Variants in CTNNA3 observed in about 807,000 individuals in gnomAD.
CTNNA3 encodes catenin alpha 3, also known as catenin alpha-3.
Under a neutral mutation model 95.7 loss-of-function variants are expected in CTNNA3, and 76 were observed. The observed-to-expected ratio is 0.79, with a 90% CI of 0.66 to 0.96. CTNNA3 has a LOEUF of 0.96. Ranked by LOEUF, CTNNA3 falls within the 40% of genes least tolerant of loss-of-function variation. The probability of loss-of-function intolerance (pLI) is 0.00; values close to 1 mark genes in which losing one functional copy is unlikely to be tolerated. For missense variants in CTNNA3, 1,191 were observed against 1,089.8 expected (o/e 1.09, Z -1.31); for synonymous variants, 431 against 374.4 (o/e 1.15, Z -1.74).
intron 11 of CTNNA3, among the ~76,000 whole-genome samples, chr10:66,507,956 A>G (rs914939731): frequency 1.1e-4 from 16 of 152,088 alleles, no homozygotes; most frequent in African/African-American, 3.9e-4. Flanking sequence ...AGCTGTACTA[A>G]TTAACATTCC....
chr10:66,911,304 C>G (rs989077139), intron 7 of CTNNA3, among the ~76,000 whole-genome samples: 6 of 152,054 alleles, frequency 3.9e-5, no homozygotes, highest in Non-Finnish European at 7.4e-5. Context: ...TTGTATAGTT[C>G]CCAATATTAG....
intron 7 of CTNNA3, among the ~76,000 whole-genome samples, chr10:67,016,982 T>C (rs897176198): frequency 6.6e-6 from 1 of 152,172 alleles, no homozygotes; most frequent in Non-Finnish European, 1.5e-5. Context: ...TTGTATCTAC[T>C]GAATACCTTC....
At chr10:66,199,729 T>C (rs1190533576) in intron 13 of CTNNA3, among the ~76,000 whole-genome samples, 1 of 132,474 alleles carries the variant, frequency 7.5e-6, no homozygotes, top group African/African-American at 2.9e-5. Flanking sequence ...AGCCTCCTGA[T>C]TAGCTGGGAT....
chr10:65,953,101 A>G lies in CTNNA3; in HGVS notation c.2400+13511T>C, dbSNP rs115201655. 4.0e-3 allele frequency among the ~76,000 whole-genome samples: 609 copies of G among 152,316 alleles called. 9 individuals carry two copies. The highest frequency in any genetic ancestry group is 0.014 in the African/African-American group (591 of 41,580). ...TCCTTTTTCATATATACAGGCTAGA[A>G]TATAACAATAGTTATTTCTTTATAG... On this transcript the variant is annotated intron_variant, in intron 17 of 17. Transcript: ENST00000433211.
At chr10:66,000,045 C>A (rs1366413801) in intron 15 of CTNNA3, among the ~76,000 whole-genome samples, 1 of 151,528 alleles carries the variant, frequency 6.6e-6, no homozygotes, top group Non-Finnish European at 1.5e-5. Context: ...ATCTCGTACA[C>A]AATAAATATA....
At chr10:67,344,520 T>C (rs1842340338) in intron 5 of CTNNA3, among the ~76,000 whole-genome samples, 1 of 152,098 alleles carries the variant, frequency 6.6e-6, no homozygotes, top group Non-Finnish European at 1.5e-5. Flanking sequence ...GCTTCAATCT[T>C]GTCACTTGGT....
rs369311931 is a variant in CTNNA3, at chr10:67,348,673, C to T, written c.580-128803G>A. Among the ~76,000 whole-genome samples, 7 of 152,184 alleles carry T rather than the reference C, an allele frequency of 4.6e-5. No homozygotes were observed. The East Asian group carries it at 1.2e-3, about 25-fold the overall frequency. On this transcript the variant is annotated intron_variant, in intron 5 of 17. Coordinates refer to ENST00000433211, the MANE Select transcript of CTNNA3 (RefSeq NM_013266.4). The stretch of plus-strand genomic sequence containing the variant: ...CACATGAATTCACAGAATGAGAACC[C>T]ACTTGTTACTGCAAGGACAGCACCA...
At chr10:66,796,396 T>TA (rs1269323623) in intron 7 of CTNNA3, among the ~76,000 whole-genome samples, 1 of 152,028 alleles carries the variant, frequency 6.6e-6, no homozygotes, top group Non-Finnish European at 1.5e-5. Context: ...TACACACCCT[T>TA]ATCAATTAAT....
rs557664906 is a variant in CTNNA3, at chr10:66,176,816, T to C, written c.1885-73567A>G. 1.2e-3 allele frequency among the ~76,000 whole-genome samples: 175 copies of C among 152,160 alleles called. 1 individual carries two copies. Among genetic ancestry groups the C allele is most frequent in the Non-Finnish European group, 1.7e-3 (118 of 67,998 alleles). ...GTGAGAAATAAATTTCTGTTGTTTA[T>C]AAGCTACACGGTTTATGGCATTTTG... On this transcript the variant is annotated intron_variant, in intron 13 of 17. Transcript: ENST00000433211.
intron 2 of CTNNA3, among the ~76,000 whole-genome samples, chr10:67,607,353 T>C (rs1272176731): frequency 6.7e-6 from 1 of 148,540 alleles, no homozygotes; most frequent in Non-Finnish European, 1.5e-5. Context: ...GAGACGATAG[T>C]GTTATTTGTT....
At chr10:66,937,597 A>G (rs1211057762) in intron 7 of CTNNA3, among the ~76,000 whole-genome samples, 2 of 152,134 alleles carry the variant, frequency 1.3e-5, no homozygotes, top group South Asian at 2.1e-4. Flanking sequence ...GCATCTGGGC[A>G]CGTAGTTAAT....
chr10:66,898,099 G>A (rs1263219484), intron 7 of CTNNA3, among the ~76,000 whole-genome samples: 1 of 152,140 alleles, frequency 6.6e-6, no homozygotes, highest in Non-Finnish European at 1.5e-5. Context: ...AACATCATAA[G>A]GAACAATAAC....
intron 16 of CTNNA3, among the ~76,000 whole-genome samples, chr10:65,979,400 T>A (rs941128015): frequency 1.3e-5 from 2 of 152,064 alleles, no homozygotes; most frequent in Admixed American, 1.3e-4. Flanking sequence ...AGTGTCACCC[T>A]CTCCCTCATG....
intron 13 of CTNNA3, among the ~76,000 whole-genome samples, chr10:66,124,094 T>G (rs2082711345): frequency 6.6e-6 from 1 of 152,186 alleles, no homozygotes; most frequent in Admixed American, 6.5e-5. Context: ...TATCGCATTG[T>G]CAGGCTACAC....
chr10:66,360,197 C>CTTTTTT, intron 12 of CTNNA3, among the ~76,000 whole-genome samples: 1 of 149,462 alleles, frequency 6.7e-6, no homozygotes, highest in South Asian at 2.1e-4. Context: ...AAACACTGAA[C>CTTTTTT]TTTTTTTTTT....
intron 4 of CTNNA3, among the ~76,000 whole-genome samples, chr10:67,533,131 C>T (rs1489791775): frequency 6.6e-6 from 1 of 152,124 alleles, no homozygotes; most frequent in Non-Finnish European, 1.5e-5. Context: ...TGAGACCAGC[C>T]TAGCCAACAT....
At chr10:66,125,906 T>G (rs1482229074) in intron 13 of CTNNA3, among the ~76,000 whole-genome samples, 2 of 152,210 alleles carry the variant, frequency 1.3e-5, no homozygotes. Flanking sequence ...AAATCAATTT[T>G]GTATATATTA....
intron 13 of CTNNA3, among the ~76,000 whole-genome samples, chr10:66,145,665 C>T (rs1284281838): frequency 6.6e-6 from 1 of 152,130 alleles, no homozygotes; most frequent in African/African-American, 2.4e-5. Flanking sequence ...ACCTGCTGAG[C>T]CAGCTTATTG....
chr10:67,143,938 T>C (rs1860717932), intron 7 of CTNNA3, among the ~76,000 whole-genome samples: 1 of 152,230 alleles, frequency 6.6e-6, no homozygotes, highest in South Asian at 2.1e-4. Context: ...TCAATTTACT[T>C]TGCCCAGATC....
Sources: allele counts gnomAD v4.1 joint callset (sites outside exome capture counted in the v4.1 genomes callset), GRCh38; gene constraint gnomAD v4.1.1; transcripts MANE v1.5; gene names NCBI Gene and HGNC (gene_info 2026-07-23, HGNC 2026-07-21).